ZNF599: variants seen among roughly 807,000 people sequenced by gnomAD.
The protein encoded by ZNF599 is zinc finger protein 599.
A neutral mutation model predicts 11.7 loss-of-function variants in ZNF599; 10 were observed. That is an observed-to-expected ratio of 0.86 (90% CI 0.53 to 1.45). ZNF599 has a LOEUF of 1.45. Ranked by LOEUF, ZNF599 falls within the 40% of genes most tolerant of loss-of-function variation. ZNF599 has a pLI of 0.00. For synonymous variants in ZNF599, 232 were observed against 253.2 expected (o/e 0.92, Z 0.79); for missense variants, 688 against 713.6 (o/e 0.96, Z 0.41).
intron 3 of ZNF599, chr19:34,765,258 G>C: frequency 3.7e-6 from 1 of 271,972 alleles, no homozygotes; most frequent in South Asian, 7.3e-5. Flanking sequence ...GCAGGACCTC[G>C]ATTTGCTTCT....
At chr19:34,802,313 A>G in the ZNF599 span, among the ~76,000 whole-genome samples, 1 of 152,264 alleles carries the variant, frequency 6.6e-6, no homozygotes, top group African/African-American at 2.4e-5. Context: ...GGCAAAGGAC[A>G]CAAGGATGAG....
intron 3 of ZNF599, among the ~76,000 whole-genome samples, chr19:34,766,647 C>T (rs918478025): frequency 6.6e-6 from 1 of 152,192 alleles, no homozygotes; most frequent in African/African-American, 2.4e-5. Context: ...AAACTATCAT[C>T]ACTATCTTTC....
At chr19:34,803,918 C>A in the ZNF599 span, among the ~76,000 whole-genome samples, 1 of 152,152 alleles carries the variant, frequency 6.6e-6, no homozygotes, top group African/African-American at 2.4e-5. Context: ...ATATTGCTAT[C>A]TTCCTATCCC....
Position 34,758,835 on chromosome 19 carries a change from C to A in ZNF599, c.*199G>T. The stretch of plus-strand genomic sequence containing the variant: ...AACTGGGTGAATCTTTAATATAATT[C>A]TTTGGATGACAAGTGATTACCTGCC... On this transcript the variant is annotated 3_prime_UTR_variant, in exon 4 of 4. Coordinates refer to ENST00000329285, the MANE Select transcript of ZNF599 (RefSeq NM_001007248.3). 1.7e-6 allele frequency: 1 copy of A among 581,052 alleles called. No homozygotes were observed. The highest frequency in any genetic ancestry group is 2.4e-5 in the South Asian group (1 of 41,076). The allele number at this position is 581,052 out of a possible 1,614,324, so 36.0% of individuals were successfully genotyped here.
the ZNF599 span, among the ~76,000 whole-genome samples, chr19:34,790,689 C>A: frequency 6.6e-6 from 1 of 152,142 alleles, no homozygotes; most frequent in Non-Finnish European, 1.5e-5. Context: ...TAATCTATTG[C>A]ACAGAACTGT....
At chr19:34,774,725 T>G (rs1178688456), upstream of ZNF599, among the ~76,000 whole-genome samples, 1 of 152,210 alleles carries the variant, frequency 6.6e-6, no homozygotes, top group Non-Finnish European at 1.5e-5. Context: ...CTATACATTC[T>G]ACACTCTCAC....
chr19:34,795,594 G>A, the ZNF599 span, among the ~76,000 whole-genome samples: 1 of 152,074 alleles, frequency 6.6e-6, no homozygotes, highest in African/African-American at 2.4e-5. Context: ...CAGATATTTT[G>A]AACTTGCAGT....
the ZNF599 span, chr19:34,788,624 G>C: frequency 6.6e-6 from 1 of 152,102 alleles, no homozygotes; most frequent in East Asian, 1.9e-4. Context: ...GTGATACCAG[G>C]TGAAAGATCT....
intron 3 of ZNF599, among the ~76,000 whole-genome samples, chr19:34,761,729 G>A (rs1000613845): frequency 2.0e-5 from 3 of 152,136 alleles, no homozygotes; most frequent in Admixed American, 6.5e-5. Context: ...TTTGCCACAT[G>A]GAGAAAAATG....
Position 34,759,792 on chromosome 19 carries a change from T to G in ZNF599, c.1009A>C (p.Lys337Gln), listed in dbSNP as rs2069098137. Residue 337 changes from lysine (K) to glutamine (Q), a missense_variant, in exon 4 of 4, where the codon AAA (lysine) becomes CAA (glutamine). Coordinates refer to ENST00000329285, the MANE Select transcript of ZNF599 (RefSeq NM_001007248.3). ...CCACATTCACCGCACTCATAGAGTT[T>G]CTTTCCAGTATGAATCCTCATATGT... Reference protein sequence around the residue: ...AQHMRIHTGKKLYECGECGKA... With the variant: ...AQHMRIHTGKQLYECGECGKA... The G allele has an allele frequency of 6.2e-7, 1 of 1,614,084 alleles. No individual in the cohort carries two copies. Among genetic ancestry groups the G allele is most frequent in the Admixed American group, 1.7e-5 (1 of 60,000 alleles).
the ZNF599 span, among the ~76,000 whole-genome samples, chr19:34,778,310 T>C: frequency 6.6e-6 from 1 of 150,784 alleles, no homozygotes; most frequent in African/African-American, 2.4e-5. Context: ...GAACTTAAAG[T>C]ATAATAAAAA....
the ZNF599 span, among the ~76,000 whole-genome samples, chr19:34,792,724 G>A: frequency 9.2e-5 from 14 of 152,016 alleles, no homozygotes; most frequent in Non-Finnish European, 1.3e-4. Flanking sequence ...TTAGCTGGGC[G>A]TGGTGGCGGG....
the ZNF599 span, among the ~76,000 whole-genome samples, chr19:34,799,005 A>G: frequency 6.6e-6 from 1 of 151,720 alleles, no homozygotes; most frequent in Admixed American, 6.6e-5. Flanking sequence ...TACTATACAC[A>G]GCACTTTTTT....
upstream of ZNF599, among the ~76,000 whole-genome samples, chr19:34,777,407 TA>T (rs1212136642): frequency 1.2e-3 from 111 of 94,208 alleles, no homozygotes; most frequent in South Asian, 2.3e-3. Flanking sequence ...ATATATTATA[TA>T]TAATATATAT....
the ZNF599 span, among the ~76,000 whole-genome samples, chr19:34,781,064 G>T: frequency 2.6e-5 from 4 of 152,248 alleles, no homozygotes; most frequent in African/African-American, 9.6e-5. Flanking sequence ...GCTGAGGCAG[G>T]AGAATGGCGT....
chr19:34,765,983 T>C (rs932578738), intron 3 of ZNF599, among the ~76,000 whole-genome samples: 1 of 152,068 alleles, frequency 6.6e-6, no homozygotes, highest in Admixed American at 6.5e-5. Context: ...GGCTGGATAT[T>C]GGGTATGAGG....
upstream of ZNF599, among the ~76,000 whole-genome samples, chr19:34,777,296 G>GT (rs1173687705): frequency 2.1e-4 from 21 of 102,438 alleles, no homozygotes; most frequent in East Asian, 5.6e-3. Context: ...AATTGATCAT[G>GT]TTTTGTATTA....
rs375975959 is a variant in ZNF599 at position 34,758,985 on chromosome 19, A to C, written c.*49T>G. The stretch of plus-strand genomic sequence containing the variant: ...TCAAAAGGAAAGGTATGTCACCACT[A>C]TGAGTTCACTAAAGACAAACACACT... On this transcript the variant is annotated 3_prime_UTR_variant, in exon 4 of 4. Coordinates refer to ENST00000329285, the MANE Select transcript of ZNF599 (RefSeq NM_001007248.3). 6.5e-7 allele frequency: 1 copy of C among 1,531,432 alleles called. No individual in the cohort carries two copies. Among genetic ancestry groups the C allele is most frequent in the Non-Finnish European group, 8.8e-7 (1 of 1,134,392 alleles). The allele number at this position is 1,531,432 out of a possible 1,614,324, so 94.9% of individuals were successfully genotyped here.
chr19:34,772,595 A>C, intron 1 of ZNF599: 1 of 1,346,800 alleles, frequency 7.4e-7, no homozygotes, highest in South Asian at 1.8e-5. Flanking sequence ...CGACAGCTCC[A>C]GGTTAGAGCC....
Sources: gnomAD v4.1 joint callset for allele counts (sites outside exome capture counted in the v4.1 genomes callset) on GRCh38, gnomAD v4.1.1 for gene constraint, MANE v1.5 for transcripts, NCBI Gene and HGNC (gene_info 2026-07-23, HGNC 2026-07-21) for gene names.